DENND11: variants seen among roughly 807,000 people sequenced by gnomAD.
DENND11 encodes DENN domain containing 11.
DENND11 carries 34 observed loss-of-function variants against 49.2 expected under a neutral mutation model. That is an observed-to-expected ratio of 0.69 (90% CI 0.53 to 0.92). DENND11 has a LOEUF of 0.92. Ranked by LOEUF, DENND11 falls within the 40% of genes least tolerant of loss-of-function variation. DENND11 has a pLI of 0.00. For synonymous variants in DENND11, 238 were observed against 230.3 expected (o/e 1.03, Z -0.30); for missense variants, 475 against 581.6 (o/e 0.82, Z 1.88).
intron 8 of DENND11, chr7:141,663,538 C>CTCCT (rs1362293524): frequency 5.2e-5 from 2 of 38,222 alleles, no homozygotes; most frequent in Non-Finnish European, 9.1e-5. Flanking sequence ...TCCACCTAAA[C>CTCCT]AGGATGTAGG....
At chr7:141,669,057 C>T (rs1228266991) in intron 4 of DENND11, among the ~76,000 whole-genome samples, 1 of 152,152 alleles carries the variant, frequency 6.6e-6, no homozygotes, top group Non-Finnish European at 1.5e-5. Flanking sequence ...CCTCCACTCC[C>T]GGGGCCCAGC....
rs781700741 is a variant in DENND11 at position 141,685,559 on chromosome 7, G to A, written c.446C>T (p.Ala149Val). The change falls in exon 3 of 9, where the codon GCG (alanine) becomes GTG (valine). Residue 149 changes from alanine (A) to valine (V), a missense_variant. Physicochemically the swap from Ala to Val is moderately conservative, Grantham distance 64. Transcript: ENST00000536163. Reference protein sequence around the residue: ...MPVESELERGARMKSVGILSP... With the variant: ...MPVESELERGVRMKSVGILSP... ...GAGGATGCCCACAGACTTCATCCGC[G>A]CGCCACGTTCCAGCTCGCTCTCCAC... 17 of 1,613,870 alleles carry A rather than the reference G, an allele frequency of 1.1e-5. No individual in the cohort carries two copies. Among genetic ancestry groups the A allele is most frequent in the South Asian group, 2.2e-5 (2 of 91,088 alleles).
intron 7 of DENND11, among the ~76,000 whole-genome samples, chr7:141,664,697 C>A (rs1214953098): frequency 6.6e-6 from 1 of 152,210 alleles, no homozygotes; most frequent in Non-Finnish European, 1.5e-5. Context: ...CACCGTGGAT[C>A]TACTCCCCTC....
chr7:141,684,370 G>A (rs765700644), intron 3 of DENND11, among the ~76,000 whole-genome samples: 26 of 152,114 alleles, frequency 1.7e-4, no homozygotes, highest in Non-Finnish European at 3.4e-4. Flanking sequence ...ACATTTACTT[G>A]AAGTTATAAG....
intron 3 of DENND11, among the ~76,000 whole-genome samples, chr7:141,677,426 C>CAT (rs869114076): frequency 1.9e-4 from 16 of 86,202 alleles, no homozygotes; most frequent in Admixed American, 1.4e-3. Context: ...TATATATACA[C>CAT]ATATATATGT....
rs1376882754 is a variant in DENND11, at chr7:141,657,173, T to C, written c.*5483A>G. 1.3e-5 allele frequency: 2 copies of C among 152,648 alleles called. No homozygotes were observed. The highest frequency in any genetic ancestry group is 2.9e-5 in the Non-Finnish European group (2 of 68,050). 9.5% of individuals were successfully genotyped at this position (152,648 alleles called of 1,614,324 possible). ...GAAAGAAATGGGAAAACAGTTTTTCTAAGGCTACAACTATTTGTTTAGGCT... is the reference window on the plus strand; with the variant it reads ...GAAAGAAATGGGAAAACAGTTTTTCCAAGGCTACAACTATTTGTTTAGGCT... On this transcript the variant is annotated 3_prime_UTR_variant, in exon 9 of 9. Transcript: ENST00000536163.
chr7:141,674,662 T>C (rs1798037976), intron 3 of DENND11, among the ~76,000 whole-genome samples: 1 of 152,200 alleles, frequency 6.6e-6, no homozygotes. Flanking sequence ...CTGCTTGCTT[T>C]GTTGTTATGG....
chr7:141,701,706 A>C, intron 1 of DENND11, 180 bp downstream of exon 1: 1 of 385,178 alleles, frequency 2.6e-6, no homozygotes, highest in Non-Finnish European at 4.0e-6. Flanking sequence ...GCCCCGAGGG[A>C]GAGAGCTGAG....
At chr7:141,684,630 A>G (rs1798202038) in intron 3 of DENND11, among the ~76,000 whole-genome samples, 1 of 152,198 alleles carries the variant, frequency 6.6e-6, no homozygotes, top group South Asian at 2.1e-4. Flanking sequence ...TGAAGATCAC[A>G]ATTATGTTGC....
intron 3 of DENND11, 89 bp downstream of exon 3, chr7:141,685,389 G>A: frequency 6.8e-7 from 1 of 1,460,660 alleles, no homozygotes; most frequent in South Asian, 1.2e-5. Flanking sequence ...TGCTGCTCTG[G>A]CACGCAAATG....
chr7:141,689,912 T>G (rs1488565483), intron 1 of DENND11, among the ~76,000 whole-genome samples: 1 of 152,252 alleles, frequency 6.6e-6, no homozygotes, highest in East Asian at 1.9e-4. Context: ...TAACTGGTGA[T>G]GCACATTTAG....
chr7:141,695,771 TG>T (rs1336586600), intron 1 of DENND11, among the ~76,000 whole-genome samples: 1 of 152,178 alleles, frequency 6.6e-6, no homozygotes, highest in Non-Finnish European at 1.5e-5. Flanking sequence ...TCCCCTAACT[TG>T]CTCTCTTTCC....
Position 141,661,621 on chromosome 7 carries a change from C to T in DENND11, c.*1035G>A, listed in dbSNP as rs1797794993. 6.6e-6 allele frequency: 1 copy of T among 152,206 alleles called. No homozygotes were observed. Among genetic ancestry groups the T allele is most frequent in the Non-Finnish European group, 1.5e-5 (1 of 68,052 alleles). 9.4% of individuals were successfully genotyped at this position (152,206 alleles called of 1,614,324 possible). A position where few individuals can be genotyped will look rare whatever the true frequency, so the allele number is the denominator to read the frequency against. The stretch of plus-strand genomic sequence containing the variant: ...GATAAACCGTCTTGTTAGCATCATG[C>T]TCCACCCTCTGAGTTAACCAGCTCA... On this transcript the variant is annotated 3_prime_UTR_variant, in exon 9 of 9. Transcript: ENST00000536163.
At chr7:141,664,412 C>T (rs1456546959) in intron 7 of DENND11, among the ~76,000 whole-genome samples, 172 bp from the exon 8 acceptor site, 2 of 152,138 alleles carry the variant, frequency 1.3e-5, no homozygotes, top group African/African-American at 2.4e-5. Context: ...GCCAGTTCTG[C>T]CCCTGGTAAT....
At position 141,657,100 on chromosome 7, in the gene DENND11, G is replaced by C. The variant is rs1236318815; in HGVS notation, c.*5556C>G. 3 of 152,596 alleles carry C rather than the reference G, an allele frequency of 2.0e-5. No individual in the cohort carries two copies. The highest frequency in any genetic ancestry group is 4.4e-5 in the Non-Finnish European group (3 of 68,038). 9.5% of individuals were successfully genotyped at this position (152,596 alleles called of 1,614,324 possible). A position where few individuals can be genotyped will look rare whatever the true frequency, so the allele number is the denominator to read the frequency against. The stretch of plus-strand genomic sequence containing the variant: ...TTAGGCTGGGGTATTAATCAAAATA[G>C]GATTTTTACATTTAAGGCGACAGGG... On this transcript the variant is annotated 3_prime_UTR_variant, in exon 9 of 9. Transcript: ENST00000536163.
intron 1 of DENND11, among the ~76,000 whole-genome samples, chr7:141,691,994 T>C (rs1798334143): frequency 1.3e-5 from 2 of 152,232 alleles, no homozygotes; most frequent in Admixed American, 6.5e-5. Flanking sequence ...AGTAATAATA[T>C]TGTAGTTACA....
At chr7:141,682,278 A>G (rs1208374415) in intron 3 of DENND11, among the ~76,000 whole-genome samples, 13 of 152,202 alleles carry the variant, frequency 8.5e-5, no homozygotes, top group Non-Finnish European at 5.9e-5. Context: ...ACAAGGGGGA[A>G]GAAGAGTATA....
intron 1 of DENND11, among the ~76,000 whole-genome samples, chr7:141,699,152 C>G (rs1798464495): frequency 6.6e-6 from 1 of 151,828 alleles, no homozygotes. Flanking sequence ...TCGCTTTTGG[C>G]AACACAGGCG....
chr7:141,673,905 T>G (rs1009038150), intron 4 of DENND11, among the ~76,000 whole-genome samples, 162 bp downstream of exon 4: 12 of 152,342 alleles, frequency 7.9e-5, no homozygotes, highest in Admixed American at 5.9e-4. Context: ...TTGCCTTATG[T>G]TTTAAAAAAA....
Sources: allele counts gnomAD v4.1 joint callset (sites outside exome capture counted in the v4.1 genomes callset), GRCh38; gene constraint gnomAD v4.1.1; transcripts MANE v1.5; gene names NCBI Gene and HGNC (gene_info 2026-07-23, HGNC 2026-07-21).